FOXRED2: variants seen among roughly 807,000 people sequenced by gnomAD.
FOXRED2 encodes FAD dependent oxidoreductase domain containing 2.
FOXRED2 carries 32 observed loss-of-function variants against 52.5 expected under a neutral mutation model. That is an observed-to-expected ratio of 0.61 (90% CI 0.46 to 0.82). The LOEUF is 0.82. FOXRED2 is among the 40% of genes least tolerant of loss of function. FOXRED2 has a pLI of 0.00. For synonymous variants in FOXRED2, 405 were observed against 398.1 expected, an observed-to-expected ratio of 1.02 and a Z score of -0.21; for missense variants, 848 against 937.5, an observed-to-expected ratio of 0.90 and a Z score of 1.25.
At position 36,487,558 on chromosome 22, in the gene FOXRED2, TGAA is replaced by T. The variant is rs1603491316; in HGVS notation, c.*2447_*2449del. ...AGAATGAGGAAATTAAAAGTTAAAA[TGAA>T]GAACAAAGAACAGGTGAGCTGAACA... On this transcript the variant is annotated 3_prime_UTR_variant, in exon 9 of 9. Coordinates refer to ENST00000397224, the MANE Select transcript of FOXRED2 (RefSeq NM_001102371.2). 6.6e-6 allele frequency: 1 copy of T among 152,164 alleles called. No individual in the cohort carries two copies. Among genetic ancestry groups the T allele is most frequent in the Non-Finnish European group, 1.5e-5 (1 of 68,040 alleles). The allele number at this position is 152,164 out of a possible 1,614,324, so 9.4% of individuals were successfully genotyped here.
chr22:36,496,608 C>A (rs931222998), intron 6 of FOXRED2, among the ~76,000 whole-genome samples: 1 of 152,178 alleles, frequency 6.6e-6, no homozygotes, highest in African/African-American at 2.4e-5. Flanking sequence ...CATGACGAGA[C>A]GTGAGGAGTC....
intron 5 of FOXRED2, among the ~76,000 whole-genome samples, chr22:36,498,666 T>A (rs1475828970): frequency 6.6e-6 from 1 of 152,198 alleles, no homozygotes; most frequent in African/African-American, 2.4e-5. Flanking sequence ...CGCCCTCTCT[T>A]TCACAGCCTA....
At chr22:36,497,096 C>T (rs1933919835) in intron 6 of FOXRED2, among the ~76,000 whole-genome samples, 1 of 152,110 alleles carries the variant, frequency 6.6e-6, no homozygotes, top group African/African-American at 2.4e-5. Flanking sequence ...ACGAGAATCG[C>T]TTGAACCTGG....
Position 36,496,227 on chromosome 22 carries a change from G to C in FOXRED2, c.1383-19C>G, listed in dbSNP as rs774019191. 9 of 1,612,334 alleles carry C rather than the reference G, an allele frequency of 5.6e-6. No individual in the cohort carries two copies. The highest frequency in any genetic ancestry group is 5.0e-5 in the Admixed American group (3 of 59,984). On this transcript the variant is annotated intron_variant, in intron 6 of 8. Transcript: ENST00000397224. ...GGAATTCCTGGGAGAACAGCAACGC[G>C]GGGGAGGCCCTCAGTGCTGTGGCAG...
intron 8 of FOXRED2, 56 bp downstream of exon 8, chr22:36,493,577 T>G: frequency 2.0e-6 from 3 of 1,518,696 alleles, no homozygotes; most frequent in Non-Finnish European, 2.7e-6. Flanking sequence ...TGGGTCTCTG[T>G]GACCTTTCTT....
chr22:36,496,350 T>G, intron 6 of FOXRED2, 142 bp from the exon 7 acceptor site: 2 of 1,042,716 alleles, frequency 1.9e-6, no homozygotes, highest in Non-Finnish European at 2.7e-6. Context: ...CACTTAACAT[T>G]ACTTTTTCAG....
rs202125890 is a variant in FOXRED2, at chr22:36,504,382, A to G, written c.780-15T>C. On this transcript the variant is annotated splice_polypyrimidine_tract_variant and intron_variant, in intron 3 of 8. Transcript: ENST00000397224. ...TGTTGATGGCTCTGAGCCCACAGAGAATGCAGGGGAGAGAGACTCAGAGGA... is the reference window on the plus strand; with the variant it reads ...TGTTGATGGCTCTGAGCCCACAGAGGATGCAGGGGAGAGAGACTCAGAGGA... 306 of 1,612,902 alleles carry G rather than the reference A, an allele frequency of 1.9e-4. No individual in the cohort carries two copies. In the African/African-American group the frequency reaches 3.9e-3, roughly 20 times the overall value.
In FOXRED2 at chr22:36,496,056, A is replaced by T. The variant is rs142104315; in HGVS notation, c.1535T>A (p.Phe512Tyr). 2 of 1,614,242 alleles carry T rather than the reference A, an allele frequency of 1.2e-6. No individual in the cohort carries two copies. Among genetic ancestry groups the T allele is most frequent in the South Asian group, 2.2e-5 (2 of 91,084 alleles). The change falls in exon 7 of 9, where the codon TTT (phenylalanine) becomes TAT (tyrosine). Residue 512 changes from phenylalanine (F) to tyrosine (Y), a missense_variant. Transcript: ENST00000397224. ...TGTGTGCCCCACAGACCGGTCATCA[A>T]AGAAGACGTCCTTGTCGGGGCCAGA... is the stretch of plus-strand genomic sequence containing the variant. The part of the protein sequence containing the change: ...NFSGPDKDVF[F>Y]DDRSVGHTED...
rs1933631631 is a variant in FOXRED2, at chr22:36,487,352, A to G, written c.*2656T>C. The G allele has an allele frequency of 6.6e-6, 1 of 152,206 alleles. No homozygotes were observed. Among genetic ancestry groups the G allele is most frequent in the Admixed American group, 6.5e-5 (1 of 15,274 alleles). 9.4% of individuals were successfully genotyped at this position (152,206 alleles called of 1,614,324 possible). A position where few individuals can be genotyped will look rare whatever the true frequency, so the allele number is the denominator to read the frequency against. On this transcript the variant is annotated 3_prime_UTR_variant, in exon 9 of 9. Coordinates refer to ENST00000397224, the MANE Select transcript of FOXRED2 (RefSeq NM_001102371.2). ...CTATGGGCTAGGGTTGGACCGCACA[A>G]TCTAAGCTAATTCTGACTGGCTATT...
chr22:36,490,772 G>C (rs1398401704), intron 8 of FOXRED2, among the ~76,000 whole-genome samples: 2 of 152,198 alleles, frequency 1.3e-5, no homozygotes, highest in African/African-American at 4.8e-5. Flanking sequence ...AAGAAAAACG[G>C]GTATATCCTC....
At chr22:36,490,875 G>A (rs1254812572) in intron 8 of FOXRED2, among the ~76,000 whole-genome samples, 1 of 152,208 alleles carries the variant, frequency 6.6e-6, no homozygotes, top group Non-Finnish European at 1.5e-5. Context: ...ATGAAGAAAC[G>A]GCCGGGCGTG....
rs370566774 is a variant in FOXRED2, at chr22:36,504,417, A to C, written c.780-50T>G. ...AGAGAGACTCAGAGGAAAGCTGGGCAGTGCAGCTGGGGTCAGGAAGGGCAG... is the reference window on the plus strand; with the variant it reads ...AGAGAGACTCAGAGGAAAGCTGGGCCGTGCAGCTGGGGTCAGGAAGGGCAG... On this transcript the variant is annotated intron_variant, in intron 3 of 8. Transcript: ENST00000397224. The C allele has an allele frequency of 4.4e-5, 70 of 1,604,336 alleles. No individual in the cohort carries two copies. The African/African-American group carries it at 6.0e-4, about 14-fold the overall frequency.
chr22:36,506,183 G>A lies in FOXRED2; in HGVS notation c.240C>T (p.Ser80=). Residue 80 remains serine, a synonymous_variant, in exon 2 of 9, where the codon AGC becomes AGT. Coordinates refer to ENST00000397224, the MANE Select transcript of FOXRED2 (RefSeq NM_001102371.2). ...CCTTGCCCGTGTACCGCTTGTTGAT[G>A]CTGATGAGCTTGCGGTGCCGCGGGT... is the stretch of plus-strand genomic sequence containing the variant. The part of the protein sequence containing the change: ...TRYPRHRKLI[S]INKRYTGKAN... 1 of 1,614,236 alleles carries A rather than the reference G, an allele frequency of 6.2e-7. No homozygotes were observed. Among genetic ancestry groups the A allele is most frequent in the Non-Finnish European group, 8.5e-7 (1 of 1,180,036 alleles).
At chr22:36,505,867 C>T (rs1403592132) in intron 2 of FOXRED2, 29 bp downstream of exon 2, 1 of 1,597,114 alleles carries the variant, frequency 6.3e-7, no homozygotes, top group Non-Finnish European at 8.6e-7. Context: ...GTCCCAGCTT[C>T]CGCAGGTGAG....
In FOXRED2 at chr22:36,489,487, G is replaced by A. The variant is rs1181168177; in HGVS notation, c.*521C>T. Reference sequence around the variant, plus strand: ...GGGGACTCCCAGCTGGGGGTCCCTGGAATTACTTGACATCCCACAGCTGGT... The same window carrying A: ...GGGGACTCCCAGCTGGGGGTCCCTGAAATTACTTGACATCCCACAGCTGGT... On this transcript the variant is annotated 3_prime_UTR_variant, in exon 9 of 9. Transcript: ENST00000397224. The A allele has an allele frequency of 6.6e-6, 1 of 152,242 alleles. No homozygotes were observed. Among genetic ancestry groups the A allele is most frequent in the East Asian group, 1.9e-4 (1 of 5,198 alleles). 9.4% of individuals were successfully genotyped at this position (152,242 alleles called of 1,614,324 possible).
At position 36,504,779 on chromosome 22, in the gene FOXRED2, A is replaced by C. The variant is rs1259527660; in HGVS notation, c.528-13T>G. 6.2e-7 allele frequency: 1 copy of C among 1,613,192 alleles called. No homozygotes were observed. Among genetic ancestry groups the C allele is most frequent in the East Asian group, 2.2e-5 (1 of 44,850 alleles). On this transcript the variant is annotated splice_polypyrimidine_tract_variant and intron_variant, in intron 2 of 8. Coordinates refer to ENST00000397224, the MANE Select transcript of FOXRED2 (RefSeq NM_001102371.2). ...TACAAAGAGGACGCTGCAGGCGGGG[A>C]CAGAGGAAAGATGGCTTAGTCTCTT...
At chr22:36,500,481 A>G (rs1934014265) in intron 5 of FOXRED2, among the ~76,000 whole-genome samples, 1 of 152,194 alleles carries the variant, frequency 6.6e-6, no homozygotes, top group Non-Finnish European at 1.5e-5. Flanking sequence ...TATGTTTTTA[A>G]AAGATATTTT....
chr22:36,498,443 G>A (rs149835246), intron 5 of FOXRED2: 26 of 344,906 alleles, frequency 7.5e-5, no homozygotes, highest in African/African-American at 4.7e-4. Flanking sequence ...GTGTAAAAGC[G>A]GCCAAGACAA....
At position 36,506,095 on chromosome 22, in the gene FOXRED2, G is replaced by C; in HGVS notation, c.328C>G (p.Leu110Val). 6.2e-7 allele frequency: 1 copy of C among 1,614,278 alleles called. No individual in the cohort carries two copies. The change falls in exon 2 of 9, where the codon CTC (leucine) becomes GTC (valine). Residue 110 changes from leucine (L) to valine (V), a missense_variant. Coordinates refer to ENST00000397224, the MANE Select transcript of FOXRED2 (RefSeq NM_001102371.2). Reference protein sequence around the residue: ...NSLLSHDPRLLFRHYSRAYFP... With the variant: ...NSLLSHDPRLVFRHYSRAYFP... ...TAGGCACGCGAGTAGTGTCTGAAGA[G>C]CAGCCGGGGGTCGTGGCTGAGCAGA...
Sources: gnomAD v4.1 joint callset for allele counts (sites outside exome capture counted in the v4.1 genomes callset) on GRCh38, gnomAD v4.1.1 for gene constraint, MANE v1.5 for transcripts, NCBI Gene and HGNC (gene_info 2026-07-23, HGNC 2026-07-21) for gene names.